The following GALNT9 variants were observed in gnomAD, a reference collection of about 807,000 sequenced individuals.
GALNT9 encodes the protein polypeptide N-acetylgalactosaminyltransferase 9, also known as GalNAc transferase 9.
GALNT9 carries 47 observed loss-of-function variants against 63.1 expected under a neutral mutation model. That is an observed-to-expected ratio of 0.75 (90% confidence interval 0.59 to 0.95). The LOEUF is 0.95. Ranked by LOEUF, GALNT9 falls within the 40% of genes least tolerant of loss-of-function variation. The pLI, the probability that GALNT9 is intolerant of heterozygous loss-of-function variation, is 0.00. For missense variants in GALNT9, 829 were observed against 874.8 expected (o/e 0.95, Z 0.66); for synonymous variants, 396 against 365.7 (o/e 1.08, Z -0.94).
Position 132,203,519 on chromosome 12 carries a change from T to A in GALNT9, c.1249A>T (p.Asn417Tyr). The change falls in exon 7 of 11, where the codon AAC becomes TAC. Residue 417 changes from asparagine (N) to tyrosine (Y), a missense_variant. Physicochemically the swap from Asn to Tyr is moderately radical, Grantham distance 143. Transcript: ENST00000328957. ...DFKSHVYMAW[N>Y]IPMSNPGVDF... Reference sequence around the variant, plus strand: ...GGGGGACTCACCGACATGGGGATGTTCCAGGCCATGTACACGTGGGACTTG... The same window carrying A: ...GGGGGACTCACCGACATGGGGATGTACCAGGCCATGTACACGTGGGACTTG... The A allele has an allele frequency of 6.2e-7, 1 of 1,613,812 alleles. No homozygotes were observed. The highest frequency in any genetic ancestry group is 8.5e-7 in the Non-Finnish European group (1 of 1,179,752).
At chr12:132,271,325 C>A (rs189493543) in intron 2 of GALNT9, among the ~76,000 whole-genome samples, 20 of 152,242 alleles carry the variant, frequency 1.3e-4, no homozygotes, top group African/African-American at 4.8e-4. Flanking sequence ...CTGCCACGCC[C>A]CGCCCGGCTC....
intron 5 of GALNT9, among the ~76,000 whole-genome samples, chr12:132,254,300 G>A (rs1458720275): frequency 5.9e-5 from 9 of 152,314 alleles, no homozygotes; most frequent in Admixed American, 2.0e-4. Context: ...GTAAGCCACT[G>A]CACCCGGCCC....
At chr12:132,201,936 A>C (rs1304244883) in intron 7 of GALNT9, among the ~76,000 whole-genome samples, 2 of 152,104 alleles carry the variant, frequency 1.3e-5, no homozygotes, top group African/African-American at 2.4e-5. Flanking sequence ...TCTCTGACGG[A>C]CAGCCAGCCC....
chr12:132,209,363 AAAAAAAATAAAT>A (rs1876856674), intron 6 of GALNT9, among the ~76,000 whole-genome samples: 1 of 140,670 alleles, frequency 7.1e-6, no homozygotes, highest in African/African-American at 3.1e-5. Flanking sequence ...CGTCTTTACT[AAAAAAAATAAAT>A]AAATAAATAA....
rs781085284 is a variant in GALNT9 at position 132,262,557 on chromosome 12, G to A, written c.488C>T (p.Ala163Val). Reference protein sequence around the residue: ...VSVVFIFVNEALSVILRSVHS... With the variant: ...VSVVFIFVNEVLSVILRSVHS... The stretch of plus-strand genomic sequence containing the variant: ...CACGGAGCGCAGGATGACCGACAGC[G>A]CCTCATTGACGAAGATGAAGACCAC... The change falls in exon 3 of 11, where the codon GCG becomes GTG. Residue 163 changes from alanine (A) to valine (V), a missense_variant. Transcript: ENST00000328957. 103 of 1,551,392 alleles carry A rather than the reference G, an allele frequency of 6.6e-5. No individual in the cohort carries two copies. The highest frequency in any genetic ancestry group is 8.2e-5 in the Non-Finnish European group (94 of 1,146,928).
intron 1 of GALNT9, among the ~76,000 whole-genome samples, chr12:132,292,833 G>A (rs73473536): frequency 1.1e-4 from 17 of 152,292 alleles, no homozygotes; most frequent in South Asian, 8.3e-4. Context: ...ACCGTTGTTC[G>A]GTGGAATCCA....
At chr12:132,197,693 C>T in intron 10 of GALNT9, 99 bp downstream of exon 10, 1 of 930,552 alleles carries the variant, frequency 1.1e-6, no homozygotes, top group Non-Finnish European at 1.6e-6. Flanking sequence ...CGCACTCCAG[C>T]TCCCACCCAA....
chr12:132,258,281 G>A (rs1032429032), intron 4 of GALNT9, among the ~76,000 whole-genome samples: 20 of 152,254 alleles, frequency 1.3e-4, no homozygotes, highest in African/African-American at 4.3e-4. Context: ...TCCTGCTCCT[G>A]TGGGAGCTGC....
chr12:132,261,350 C>G (rs1879377232), intron 3 of GALNT9, among the ~76,000 whole-genome samples: 1 of 152,140 alleles, frequency 6.6e-6, no homozygotes, highest in African/African-American at 2.4e-5. Context: ...AGGAAACACA[C>G]CAGACAGACA....
At position 132,245,448 on chromosome 12, in the gene GALNT9, A is replaced by T. The variant is rs1304058110; in HGVS notation, c.1077+2462T>A. ...CAGAGTAAGACTCTGTCTTAAAAAA[A>T]AGAAAGGCCCATGTGTCATGGAGAC... On this transcript the variant is annotated intron_variant, in intron 6 of 10. Transcript: ENST00000328957. The surrounding 1 kb of genome is among the most constrained non-coding windows in gnomAD (Gnocchi z 6.3). Among the ~76,000 whole-genome samples, 1 of 152,088 alleles carries T rather than the reference A, an allele frequency of 6.6e-6. No individual in the cohort carries two copies. The highest frequency in any genetic ancestry group is 6.5e-5 in the Admixed American group (1 of 15,274).
chr12:132,196,757 G>C lies in GALNT9; in HGVS notation c.*350C>G. On this transcript the variant is annotated 3_prime_UTR_variant, in exon 11 of 11. Transcript: ENST00000328957. ...AGGGTGCAGCCTGGTGCATGGTCCG[G>C]GGCTTGGCCTCCCTATGGGGCGTGG... The C allele has an allele frequency of 1.9e-6, 2 of 1,061,644 alleles. No homozygotes were observed. The highest frequency in any genetic ancestry group is 2.3e-6 in the Non-Finnish European group (2 of 877,566). The allele number at this position is 1,061,644 out of a possible 1,614,324, so 65.8% of individuals were successfully genotyped here.
At position 132,196,907 on chromosome 12, in the gene GALNT9, G is replaced by C. The variant is rs1875543748; in HGVS notation, c.*200C>G. 1.3e-5 allele frequency: 18 copies of C among 1,415,374 alleles called. No homozygotes were observed. The highest frequency in any genetic ancestry group is 1.6e-5 in the Non-Finnish European group (17 of 1,087,124). 87.7% of individuals were successfully genotyped at this position (1,415,374 alleles called of 1,614,324 possible). On this transcript the variant is annotated 3_prime_UTR_variant, in exon 11 of 11. Transcript: ENST00000328957. ...CGCCCTCCCTCGGGTAGAGCCGCCT[G>C]TCCTAGGAGAAGCTGTACTCCAGAT...
In GALNT9 at chr12:132,212,944, T is replaced by C. The variant is rs550241796; in HGVS notation, c.1078-9254A>G. On this transcript the variant is annotated intron_variant, in intron 6 of 10. Coordinates refer to ENST00000328957, the MANE Select transcript of GALNT9 (RefSeq NM_001122636.2). ...GTGACATGGAAACCCCACCCGGGTC[T>C]GCAGCCCTCAGACCGTGACATGGAA... Among the ~76,000 whole-genome samples the C allele has an allele frequency of 1.4e-4, 18 of 129,658 alleles. No individual in the cohort carries two copies. In the East Asian group the frequency reaches 2.0e-3, roughly 14 times the overall value. 85.1% of individuals were successfully genotyped at this position (129,658 alleles called of 152,430 possible). A position where few individuals can be genotyped will look rare whatever the true frequency, so the allele number is the denominator to read the frequency against.
At chr12:132,225,500 A>C (rs1877635455) in intron 6 of GALNT9, among the ~76,000 whole-genome samples, 2 of 140,224 alleles carry the variant, frequency 1.4e-5, no homozygotes, top group African/African-American at 5.4e-5. Flanking sequence ...ATACCACACA[A>C]TCCACACTCC....
rs527446325 is a variant in GALNT9 at position 132,286,088 on chromosome 12, G to A, written c.419+162C>T. Among the ~76,000 whole-genome samples the A allele has an allele frequency of 3.4e-3, 516 of 149,714 alleles. 2 individuals are homozygous for A. Among genetic ancestry groups the A allele is most frequent in the Non-Finnish European group, 6.1e-3 (403 of 66,430 alleles). ...CACTTTCCCGGCCAGCGTGGGGGGCGGTCACTTCCCCGGCGGGCGTGGGGG... is the reference window on the plus strand; with the variant it reads ...CACTTTCCCGGCCAGCGTGGGGGGCAGTCACTTCCCCGGCGGGCGTGGGGG... On this transcript the variant is annotated intron_variant, in intron 2 of 10. Coordinates refer to ENST00000328957, the MANE Select transcript of GALNT9 (RefSeq NM_001122636.2). The surrounding 1 kb of genome is among the most constrained non-coding windows in gnomAD (Gnocchi z 7.4).
At chr12:132,216,128 A>T (rs996724080) in intron 6 of GALNT9, among the ~76,000 whole-genome samples, 1 of 152,172 alleles carries the variant, frequency 6.6e-6, no homozygotes, top group South Asian at 2.1e-4. Flanking sequence ...AGAAACAGAG[A>T]CAGAAAGATA....
At chr12:132,322,130 C>T (rs2135592253) in intron 1 of GALNT9, among the ~76,000 whole-genome samples, 1 of 152,342 alleles carries the variant, frequency 6.6e-6, no homozygotes, top group Admixed American at 6.5e-5. Context: ...CTAAATAAGC[C>T]ACATTCCGAG....
At chr12:132,199,302 G>A (rs1052063263) in intron 8 of GALNT9, 33 bp from the exon 9 acceptor site, 5 of 1,510,780 alleles carry the variant, frequency 3.3e-6, no homozygotes, top group African/African-American at 1.4e-5. Context: ...AAAGTCCAGA[G>A]TCACCCGAGG....
At chr12:132,302,358 G>A (rs1429678690) in intron 1 of GALNT9, among the ~76,000 whole-genome samples, 13 of 151,950 alleles carry the variant, frequency 8.6e-5, no homozygotes, top group Admixed American at 3.3e-4. Flanking sequence ...ATGCCTCAGC[G>A]CAGTTCGATC....
Sources: allele counts gnomAD v4.1 joint callset (sites outside exome capture counted in the v4.1 genomes callset), GRCh38; gene constraint gnomAD v4.1.1; non-coding constraint Gnocchi (gnomAD v3.1); transcripts MANE v1.5; gene names NCBI Gene and HGNC (gene_info 2026-07-23, HGNC 2026-07-21).